The following NTRK3 variants were observed in gnomAD, a reference collection of about 807,000 sequenced individuals.
NTRK3 encodes the protein neurotrophic receptor tyrosine kinase 3, also known as NT-3 growth factor receptor.
In NTRK3, 24 loss-of-function variants were observed where a neutral mutation model predicts 91.7. The ratio of observed to expected loss-of-function variants is 0.26; its 90% CI spans 0.19 to 0.37. The LOEUF is 0.37. NTRK3 is among the 10% of genes least tolerant of loss of function. The probability of loss-of-function intolerance (pLI) is 1.00; values close to 1 mark genes in which losing one functional copy is unlikely to be tolerated. For synonymous variants in NTRK3, 483 were observed against 404.0 expected, an observed-to-expected ratio of 1.20 and a Z score of -2.34; for missense variants, 880 against 1,068.9, an observed-to-expected ratio of 0.82 and a Z score of 2.46.
intron 13 of NTRK3, among the ~76,000 whole-genome samples, chr15:88,118,330 G>A (rs1166116220): frequency 6.6e-6 from 1 of 152,138 alleles, no homozygotes; most frequent in East Asian, 1.9e-4. Context: ...AAGCTTCCAA[G>A]ACCCAGAGGA....
chr15:87,888,742 T>C (rs2065687356), intron 17 of NTRK3, among the ~76,000 whole-genome samples: 1 of 152,098 alleles, frequency 6.6e-6, no homozygotes, highest in African/African-American at 2.4e-5. Flanking sequence ...AGATATTGCA[T>C]AGAACATACT....
intron 14 of NTRK3, among the ~76,000 whole-genome samples, chr15:87,952,498 C>A (rs1164105780): frequency 6.6e-6 from 1 of 152,086 alleles, no homozygotes; most frequent in Non-Finnish European, 1.5e-5. Flanking sequence ...TGCGAACCCC[C>A]ACCTCCTCTC....
chr15:88,070,768 G>A (rs1304963062), intron 13 of NTRK3, among the ~76,000 whole-genome samples: 1 of 152,006 alleles, frequency 6.6e-6, no homozygotes, highest in African/African-American at 2.4e-5. Flanking sequence ...ACAGCAAAAT[G>A]TTTCTTCTTG....
At chr15:88,202,293 C>T (rs1020266219) in intron 3 of NTRK3, among the ~76,000 whole-genome samples, 1 of 152,148 alleles carries the variant, frequency 6.6e-6, no homozygotes, top group Non-Finnish European at 1.5e-5. Flanking sequence ...CACTTCCGTT[C>T]GACATCTCCC....
chr15:88,150,007 C>T (rs762435421), intron 5 of NTRK3, among the ~76,000 whole-genome samples: 67 of 152,326 alleles, frequency 4.4e-4, no homozygotes, highest in East Asian at 4.1e-3. Context: ...GGAAGATGTC[C>T]GTCCCCTGCC....
intron 13 of NTRK3, among the ~76,000 whole-genome samples, chr15:88,042,913 C>CACCTTGCTGCCCCACCCTCCAGT (rs1233488577): frequency 2.6e-5 from 4 of 152,240 alleles, no homozygotes; most frequent in African/African-American, 4.8e-5. Flanking sequence ...TTCACTGCAG[C>CACCTTGCTGCCCCACCCTCCAGT]ACCTTGCTGC....
At chr15:88,141,285 T>C (rs1400915226) in intron 6 of NTRK3, among the ~76,000 whole-genome samples, 2 of 152,206 alleles carry the variant, frequency 1.3e-5, no homozygotes, top group Non-Finnish European at 2.9e-5. Context: ...TATAGGATCA[T>C]AATATTAGCA....
intron 13 of NTRK3, among the ~76,000 whole-genome samples, chr15:88,106,442 T>A (rs1231508128): frequency 1.3e-5 from 2 of 152,122 alleles, no homozygotes; most frequent in Non-Finnish European, 2.9e-5. Context: ...CCAAGTGAAA[T>A]GGTATAATAC....
At chr15:88,022,780 T>C (rs1056734256) in intron 14 of NTRK3, among the ~76,000 whole-genome samples, 2 of 152,172 alleles carry the variant, frequency 1.3e-5, no homozygotes, top group African/African-American at 2.4e-5. Context: ...ATCCCTCAAG[T>C]ACTTTTTTAA....
chr15:88,199,703 G>T (rs1341493984), intron 3 of NTRK3, among the ~76,000 whole-genome samples: 1 of 152,200 alleles, frequency 6.6e-6, no homozygotes, highest in African/African-American at 2.4e-5. Context: ...AGGTCAAAGT[G>T]GTGTCTGTGC....
At chr15:88,089,448 G>C (rs771479254) in intron 13 of NTRK3, among the ~76,000 whole-genome samples, 1 of 152,162 alleles carries the variant, frequency 6.6e-6, no homozygotes, top group Non-Finnish European at 1.5e-5. Flanking sequence ...TAAGTAAAAT[G>C]TCTAACATGG....
At chr15:88,210,488 G>T (rs1405532001) in intron 3 of NTRK3, among the ~76,000 whole-genome samples, 1 of 152,180 alleles carries the variant, frequency 6.6e-6, no homozygotes, top group Non-Finnish European at 1.5e-5. Context: ...TTCCTCAATT[G>T]GTTTCTTGCC....
intron 3 of NTRK3, among the ~76,000 whole-genome samples, chr15:88,229,932 A>C (rs564903246): frequency 6.6e-6 from 1 of 152,360 alleles, no homozygotes; most frequent in Admixed American, 6.5e-5. Context: ...CGGCCATTGT[A>C]CAGAACTGGG....
chr15:87,870,872 C>T (rs1325890964), exon 19 of NTRK3: 1 of 226,990 alleles, frequency 4.4e-6, no homozygotes, highest in African/African-American at 2.2e-5. Context: ...CTAGAAGTAT[C>T]CCCTGCAAGC....
intron 5 of NTRK3, among the ~76,000 whole-genome samples, chr15:88,159,186 G>A (rs2044205224): frequency 6.6e-6 from 1 of 152,164 alleles, no homozygotes; most frequent in South Asian, 2.1e-4. Context: ...CCCTTTCTAA[G>A]AGCTACTATT....
At chr15:88,153,607 T>C (rs2043606265) in intron 5 of NTRK3, among the ~76,000 whole-genome samples, 1 of 152,198 alleles carries the variant, frequency 6.6e-6, no homozygotes, top group African/African-American at 2.4e-5. Flanking sequence ...TGTAATCCAT[T>C]CATGGTGCTA....
intron 17 of NTRK3, among the ~76,000 whole-genome samples, chr15:87,924,110 C>T (rs1440810593): frequency 6.6e-6 from 1 of 151,938 alleles, no homozygotes; most frequent in African/African-American, 2.4e-5. Context: ...AACTCTTAGT[C>T]CTTACAGAAA....
chr15:87,955,576 C>A (rs2071572113), intron 14 of NTRK3, among the ~76,000 whole-genome samples: 1 of 152,226 alleles, frequency 6.6e-6, no homozygotes, highest in Admixed American at 6.5e-5. Context: ...AATGGGACTG[C>A]AGCGAGTTAG....
At chr15:88,178,855 G>T (rs539930637) in intron 5 of NTRK3, among the ~76,000 whole-genome samples, 1 of 152,284 alleles carries the variant, frequency 6.6e-6, no homozygotes, top group African/African-American at 2.4e-5. Flanking sequence ...ATCCCCAGGG[G>T]GAAAGAGCAG....
Sources: allele counts gnomAD v4.1 joint callset (sites outside exome capture counted in the v4.1 genomes callset), GRCh38; gene constraint gnomAD v4.1.1; transcripts MANE v1.5; gene names NCBI Gene and HGNC (gene_info 2026-07-23, HGNC 2026-07-21).